Variants in FAT3 observed in about 807,000 individuals in gnomAD.
The protein encoded by FAT3 is FAT atypical cadherin 3.
A neutral mutation model predicts 310.2 loss-of-function variants in FAT3; 95 were observed. The ratio of observed to expected loss-of-function variants is 0.31; its 90% confidence interval spans 0.26 to 0.36. The LOEUF is 0.36. Ranked by LOEUF, FAT3 falls within the 10% of genes least tolerant of loss-of-function variation. FAT3 has a pLI of 1.00. For synonymous variants in FAT3, 2,314 were observed against 2,192.9 expected, an observed-to-expected ratio of 1.06 and a Z score of -1.54; for missense variants, 5,408 against 5,715.6, an observed-to-expected ratio of 0.95 and a Z score of 1.74.
chr11:92,885,214 A>T (rs747115771), intron 24 of FAT3, among the ~76,000 whole-genome samples: 1 of 152,230 alleles, frequency 6.6e-6, no homozygotes, highest in Non-Finnish European at 1.5e-5. Context: ...AAGTCAGGGC[A>T]GCAGGTGAAT....
intron 23 of FAT3, among the ~76,000 whole-genome samples, chr11:92,882,011 T>TCA (rs1949679958): frequency 6.6e-6 from 1 of 152,158 alleles, no homozygotes; most frequent in Non-Finnish European, 1.5e-5. Flanking sequence ...GAGGAAAATG[T>TCA]CAGAACCAAA....
chr11:92,609,128 T>C (rs1940444332), intron 3 of FAT3, among the ~76,000 whole-genome samples: 1 of 152,252 alleles, frequency 6.6e-6, no homozygotes, highest in East Asian at 1.9e-4. Flanking sequence ...AGGTGATTTC[T>C]TTTTTACTGA....
intron 3 of FAT3, among the ~76,000 whole-genome samples, chr11:92,536,460 A>G (rs1482190306): frequency 6.6e-6 from 1 of 152,128 alleles, no homozygotes; most frequent in Non-Finnish European, 1.5e-5. Flanking sequence ...GACTTCTCTG[A>G]GCTTCAGTTT....
Position 92,353,913 on chromosome 11 carries a change from T to G in FAT3, c.1801T>G (p.Ser601Ala). The change falls in exon 2 of 28, where the codon TCA (serine) becomes GCA (alanine). Residue 601 changes from serine (S) to alanine (A), a missense_variant. Coordinates refer to ENST00000525166, the MANE Select transcript of FAT3 (RefSeq NM_001367949.2). Reference sequence around the variant, plus strand: ...AGTTGGTGGTCACATCACAGCAGTCTCAGCGATCGATATCGATGAACTTGA... The same window carrying G: ...AGTTGGTGGTCACATCACAGCAGTCGCAGCGATCGATATCGATGAACTTGA... ...FPVGGHITAV[S>A]AIDIDELELV... is the part of the protein sequence containing the mutation. 6.2e-7 allele frequency: 1 copy of G among 1,612,302 alleles called. No individual in the cohort carries two copies. Among genetic ancestry groups the G allele is most frequent in the African/African-American group, 1.3e-5 (1 of 75,044 alleles).
chr11:92,316,994 G>T (rs997879212), intron 1 of FAT3, among the ~76,000 whole-genome samples: 3 of 152,128 alleles, frequency 2.0e-5, no homozygotes, highest in African/African-American at 4.8e-5. Context: ...TGAGGATTTG[G>T]GGACTTCAGG....
chr11:92,828,294 C>G (rs1012168032), intron 13 of FAT3, among the ~76,000 whole-genome samples: 1 of 152,136 alleles, frequency 6.6e-6, no homozygotes, highest in Non-Finnish European at 1.5e-5. Flanking sequence ...CCCAAAAATA[C>G]TATTTCCAAA....
intron 2 of FAT3, among the ~76,000 whole-genome samples, chr11:92,478,291 C>G (rs1364652700): frequency 6.6e-6 from 1 of 152,178 alleles, no homozygotes; most frequent in East Asian, 1.9e-4. Flanking sequence ...ATCATTTTCC[C>G]AGTCACCCAG....
chr11:92,882,700 G>C lies in FAT3; in HGVS notation c.12282-38G>C, dbSNP rs374999441. 5 of 1,559,510 alleles carry C rather than the reference G, an allele frequency of 3.2e-6. No homozygotes were observed. In the African/African-American group the frequency reaches 6.8e-5, roughly 21 times the overall value. ...TCCCGTATACCAACGTGTGTGCACT[G>C]GTCCTGACGGTGGGGAGGGGCTTCT... is the stretch of plus-strand genomic sequence containing the variant. On this transcript the variant is annotated intron_variant, in intron 23 of 27. Transcript: ENST00000525166.
chr11:92,375,479 G>C (rs1343960613), intron 2 of FAT3, among the ~76,000 whole-genome samples: 1 of 152,044 alleles, frequency 6.6e-6, no homozygotes, highest in Non-Finnish European at 1.5e-5. Flanking sequence ...AGGATTCTTT[G>C]GAGGCTTGAG....
At chr11:92,392,155 T>C (rs1050242392) in intron 2 of FAT3, among the ~76,000 whole-genome samples, 1 of 152,158 alleles carries the variant, frequency 6.6e-6, no homozygotes, top group African/African-American at 2.4e-5. Context: ...TGGGGAGACA[T>C]GCACGCACGC....
chr11:92,483,117 A>G (rs1952279081), intron 2 of FAT3, among the ~76,000 whole-genome samples: 1 of 152,192 alleles, frequency 6.6e-6, no homozygotes, highest in Admixed American at 6.5e-5. Flanking sequence ...GGTAAAATGC[A>G]TCACAGAAAA....
intron 19 of FAT3, among the ~76,000 whole-genome samples, chr11:92,846,859 C>G (rs1396008125): frequency 1.3e-5 from 2 of 152,172 alleles, no homozygotes; most frequent in African/African-American, 4.8e-5. Context: ...TCAAGTCACT[C>G]TTATAATTAA....
intron 2 of FAT3, among the ~76,000 whole-genome samples, chr11:92,370,830 G>A (rs758350822): frequency 3.6e-4 from 55 of 152,114 alleles, no homozygotes; most frequent in Non-Finnish European, 5.7e-4. Flanking sequence ...GTATTCTGTA[G>A]GAATACAGCA....
chr11:92,290,541 G>T (rs1454173297), intron 1 of FAT3, among the ~76,000 whole-genome samples: 1 of 152,032 alleles, frequency 6.6e-6, no homozygotes. Context: ...TGGATCACCA[G>T]CGGTTAGGAG....
intron 3 of FAT3, among the ~76,000 whole-genome samples, chr11:92,601,723 C>T (rs1187401742): frequency 6.6e-6 from 1 of 152,076 alleles, no homozygotes; most frequent in Non-Finnish European, 1.5e-5. Flanking sequence ...AGAATGGAAC[C>T]TATTATATAC....
Position 92,890,698 on chromosome 11 carries a change from C to G in FAT3, c.13355C>G (p.Pro4452Arg), listed in dbSNP as rs1442123582. 1 of 1,613,624 alleles carries G rather than the reference C, an allele frequency of 6.2e-7. No homozygotes were observed. The highest frequency in any genetic ancestry group is 2.2e-5 in the East Asian group (1 of 44,846). The change falls in exon 28 of 28, where the codon CCT becomes CGT. Residue 4452 changes from proline (P) to arginine (R), a missense_variant. Pro to Arg is a moderately radical substitution (Grantham distance 103, BLOSUM62 -2). Coordinates refer to ENST00000525166, the MANE Select transcript of FAT3 (RefSeq NM_001367949.2). Reference protein sequence around the residue: ...EEEFLSQDQLPPPLPEDFPDQ... With the variant: ...EEEFLSQDQLRPPLPEDFPDQ... ...GAGTTCTTGAGTCAGGACCAGCTGC[C>G]TCCTCCTCTCCCGGAGGACTTCCCA...
At chr11:92,314,919 T>G (rs993079580) in intron 1 of FAT3, among the ~76,000 whole-genome samples, 23 of 152,256 alleles carry the variant, frequency 1.5e-4, no homozygotes, top group South Asian at 6.2e-4. Flanking sequence ...ATGATCATGC[T>G]TTGAACTTGG....
At chr11:92,226,887 C>G (rs1328350783) in intron 1 of FAT3, among the ~76,000 whole-genome samples, 2 of 152,094 alleles carry the variant, frequency 1.3e-5, no homozygotes, top group African/African-American at 4.8e-5. Context: ...AAGTCTTTTT[C>G]CCCCCTCTCC....
At chr11:92,740,968 T>C (rs1361170961) in intron 4 of FAT3, among the ~76,000 whole-genome samples, 1 of 152,200 alleles carries the variant, frequency 6.6e-6, no homozygotes, top group African/African-American at 2.4e-5. Context: ...ACATTTCCTT[T>C]ACTTATCCTG....
Sources: gnomAD v4.1 joint callset for allele counts (sites outside exome capture counted in the v4.1 genomes callset) on GRCh38, gnomAD v4.1.1 for gene constraint, MANE v1.5 for transcripts, NCBI Gene and HGNC (gene_info 2026-07-23, HGNC 2026-07-21) for gene names.